Variants in EPSTI1 observed in about 807,000 individuals in gnomAD.
EPSTI1 encodes the protein epithelial-stromal interaction protein 1.
A neutral mutation model predicts 49.9 loss-of-function variants in EPSTI1; 66 were observed. The ratio of observed to expected loss-of-function variants is 1.32; its 90% CI spans 1.08 to 1.62. EPSTI1 has a LOEUF of 1.62. EPSTI1 is among the 40% of genes most tolerant of loss of function. The pLI is 0.00. For missense variants in EPSTI1, 394 were observed against 365.5 expected, an observed-to-expected ratio of 1.08 and a Z score of -0.64; for synonymous variants, 137 against 130.7, an observed-to-expected ratio of 1.05 and a Z score of -0.33.
intron 1 of EPSTI1, among the ~76,000 whole-genome samples, chr13:42,978,483 AG>A (rs1310191815): frequency 6.6e-6 from 1 of 152,186 alleles, no homozygotes; most frequent in East Asian, 1.9e-4. Flanking sequence ...CAGTGAGCAG[AG>A]GGCTGACTTT....
Position 42,969,124 on chromosome 13 carries a change from T to G in EPSTI1, c.301A>C (p.Lys101Gln), listed in dbSNP as rs2039701851. 6.2e-7 allele frequency: 1 copy of G among 1,614,072 alleles called. No individual in the cohort carries two copies. Among genetic ancestry groups the G allele is most frequent in the Non-Finnish European group, 8.5e-7 (1 of 1,180,042 alleles). The change falls in exon 3 of 11, where the codon AAA (lysine) becomes CAA (glutamine). Residue 101 changes from lysine to glutamine, a missense_variant. By Grantham distance (53) the Lys-to-Gln change is moderately conservative. Transcript: ENST00000313624. ...CGTCTGGGCACCAGGTGAACCGGTTTAGCTCTGTTCTGCTCCTTCCACTTC... is the reference window on the plus strand; with the variant it reads ...CGTCTGGGCACCAGGTGAACCGGTTGAGCTCTGTTCTGCTCCTTCCACTTC... ...LEKWKEQNRA[K>Q]PVHLVPRRLG...
intron 8 of EPSTI1, among the ~76,000 whole-genome samples, chr13:42,906,093 C>T (rs1256258418): frequency 6.6e-6 from 1 of 152,222 alleles, no homozygotes; most frequent in Non-Finnish European, 1.5e-5. Context: ...CCACCCGATG[C>T]AGTGCTCACC....
intron 7 of EPSTI1, chr13:42,919,154 T>C: frequency 3.2e-6 from 2 of 630,872 alleles, no homozygotes; most frequent in Non-Finnish European, 2.8e-6. Context: ...AGAATACATG[T>C]CTTAGTTTTT....
chr13:42,941,069 T>C (rs2153425501), intron 6 of EPSTI1, among the ~76,000 whole-genome samples: 1 of 152,308 alleles, frequency 6.6e-6, no homozygotes, highest in Middle Eastern at 3.4e-3. Context: ...AATTTTTACG[T>C]ACTTAAAGCT....
chr13:42,890,709 A>G (rs2153407631), intron 10 of EPSTI1, among the ~76,000 whole-genome samples: 1 of 152,234 alleles, frequency 6.6e-6, no homozygotes, highest in African/African-American at 2.4e-5. Flanking sequence ...TTGATCTTAT[A>G]TCTACTAACA....
chr13:42,980,184 C>G (rs577727898), intron 1 of EPSTI1, among the ~76,000 whole-genome samples: 1 of 151,832 alleles, frequency 6.6e-6, no homozygotes, highest in South Asian at 2.1e-4. Flanking sequence ...ACTGTGAGAA[C>G]AAAGGTTGTT....
At chr13:42,988,686 G>A (rs921052291) in intron 1 of EPSTI1, among the ~76,000 whole-genome samples, 7 of 150,792 alleles carry the variant, frequency 4.6e-5, no homozygotes, top group Admixed American at 3.3e-4. Context: ...AGCTGAGATT[G>A]CGCTGTTGCA....
rs1385544745 is a variant in EPSTI1 at position 42,888,338 on chromosome 13, A to G, written c.*156T>C. Reference sequence around the variant, plus strand: ...CTCCAAACATGCATAAATGAGGACAAGGAGAAGCCAGTCACTCCTGACTGC... The same window carrying G: ...CTCCAAACATGCATAAATGAGGACAGGGAGAAGCCAGTCACTCCTGACTGC... On this transcript the variant is annotated 3_prime_UTR_variant, in exon 11 of 11. Coordinates refer to ENST00000313624, the MANE Select transcript of EPSTI1 (RefSeq NM_033255.5). The G allele has an allele frequency of 1.9e-6, 3 of 1,614,078 alleles. No homozygotes were observed. The African/African-American group carries it at 4.0e-5, about 22-fold the overall frequency.
intron 6 of EPSTI1, among the ~76,000 whole-genome samples, chr13:42,932,504 C>A (rs1340706236): frequency 6.6e-6 from 1 of 152,042 alleles, no homozygotes; most frequent in Non-Finnish European, 1.5e-5. Flanking sequence ...GCCTTCCAAA[C>A]CTTTCCAAGG....
chr13:42,911,998 TTC>T (rs1156249052), intron 8 of EPSTI1, among the ~76,000 whole-genome samples: 3 of 152,226 alleles, frequency 2.0e-5, no homozygotes, highest in South Asian at 2.1e-4. Context: ...AATAATAATT[TTC>T]TCTGTCACCC....
At chr13:42,964,307 G>A (rs1435542444) in intron 3 of EPSTI1, among the ~76,000 whole-genome samples, 168 bp from the exon 4 acceptor site, 1 of 152,094 alleles carries the variant, frequency 6.6e-6, no homozygotes, top group South Asian at 2.1e-4. Flanking sequence ...TAAAGAAGGG[G>A]AATCACTTAG....
chr13:42,936,237 C>T (rs1375839589), intron 6 of EPSTI1, among the ~76,000 whole-genome samples: 3 of 152,184 alleles, frequency 2.0e-5, no homozygotes, highest in African/African-American at 7.2e-5. Context: ...AGCATACAAA[C>T]ATGATCAATT....
At chr13:42,930,710 A>T (rs2153422763) in intron 6 of EPSTI1, among the ~76,000 whole-genome samples, 1 of 152,342 alleles carries the variant, frequency 6.6e-6, no homozygotes, top group Admixed American at 6.5e-5. Flanking sequence ...CAGAAAATAG[A>T]ATAGAAATTA....
chr13:42,911,541 A>C (rs1269420738), intron 8 of EPSTI1, among the ~76,000 whole-genome samples: 1 of 152,180 alleles, frequency 6.6e-6, no homozygotes, highest in African/African-American at 2.4e-5. Flanking sequence ...TAATTATGTG[A>C]GTCATTAGAG....
intron 8 of EPSTI1, among the ~76,000 whole-genome samples, chr13:42,902,913 G>A (rs1324341933): frequency 6.6e-6 from 1 of 152,092 alleles, no homozygotes; most frequent in Non-Finnish European, 1.5e-5. Context: ...ATATCCTCAC[G>A]GTGGCTCATC....
At chr13:42,909,821 A>ATG (rs1193514889) in intron 8 of EPSTI1, among the ~76,000 whole-genome samples, 14 of 152,286 alleles carry the variant, frequency 9.2e-5, no homozygotes, top group Admixed American at 2.6e-4. Context: ...GTCAAAGGAT[A>ATG]TGTAATTACA....
intron 8 of EPSTI1, among the ~76,000 whole-genome samples, chr13:42,902,036 C>T (rs990730393): frequency 2.7e-5 from 4 of 150,614 alleles, no homozygotes; most frequent in South Asian, 4.2e-4. Flanking sequence ...TTTGTTCTTG[C>T]GATAGTTTAC....
chr13:42,925,313 C>G (rs2038136547), intron 7 of EPSTI1, among the ~76,000 whole-genome samples: 1 of 152,180 alleles, frequency 6.6e-6, no homozygotes, highest in Admixed American at 6.5e-5. Context: ...ATTTCCAATA[C>G]CCTCAGTGCT....
At position 42,911,272 on chromosome 13, in the gene EPSTI1, C is replaced by T. The variant is rs539685641; in HGVS notation, c.741+6269G>A. ...GTGTGTGTGTGTGTGTGTGCGCGCG[C>T]ACGCGCGCACACGTGTGTGAGTGTG... On this transcript the variant is annotated intron_variant, in intron 8 of 10. Transcript: ENST00000313624. Among the ~76,000 whole-genome samples, 426 of 126,990 alleles carry T rather than the reference C, an allele frequency of 3.4e-3. 1 individual carries two copies. The highest frequency in any genetic ancestry group is 0.012 in the African/African-American group (406 of 35,172). 83.3% of individuals were successfully genotyped at this position (126,990 alleles called of 152,430 possible). A position where few individuals can be genotyped will look rare whatever the true frequency, so the allele number is the denominator to read the frequency against.
Sources: gnomAD v4.1 joint callset for allele counts (sites outside exome capture counted in the v4.1 genomes callset) on GRCh38, gnomAD v4.1.1 for gene constraint, MANE v1.5 for transcripts, NCBI Gene and HGNC (gene_info 2026-07-23, HGNC 2026-07-21) for gene names.